ADAMTS3: variants seen among roughly 807,000 people sequenced by gnomAD.
ADAMTS3 encodes A disintegrin and metalloproteinase with thrombospondin motifs 3.
Under a neutral mutation model 129.0 loss-of-function variants are expected in ADAMTS3, and 73 were observed. The observed-to-expected ratio is 0.57, with a 90% CI of 0.47 to 0.69. The LOEUF (loss-of-function observed/expected upper bound fraction) is 0.69, where lower values mean the gene tolerates loss of function less well. Ranked by LOEUF, ADAMTS3 falls within the 30% of genes least tolerant of loss-of-function variation. The probability of loss-of-function intolerance (pLI) is 0.00; values close to 1 mark genes in which losing one functional copy is unlikely to be tolerated. For synonymous variants in ADAMTS3, 477 were observed against 510.8 expected (o/e 0.93, Z 0.89); for missense variants, 1,457 against 1,514.5 (o/e 0.96, Z 0.63).
intron 3 of ADAMTS3, among the ~76,000 whole-genome samples, chr4:72,517,040 C>T (rs552495160): frequency 6.6e-6 from 1 of 152,140 alleles, no homozygotes; most frequent in South Asian, 2.1e-4. Flanking sequence ...GAGTTTTTAG[C>T]ATGAAGGGCT....
At chr4:72,383,600 G>A (rs1721357342) in intron 4 of ADAMTS3, among the ~76,000 whole-genome samples, 1 of 152,156 alleles carries the variant, frequency 6.6e-6, no homozygotes, top group Non-Finnish European at 1.5e-5. Flanking sequence ...GTTCGAGGCG[G>A]ACTCTAAGCA....
intron 3 of ADAMTS3, among the ~76,000 whole-genome samples, chr4:72,470,361 T>TTATGTATATATATA (rs1719035640): frequency 8.6e-6 from 1 of 116,482 alleles, no homozygotes; most frequent in Non-Finnish European, 1.8e-5. Flanking sequence ...TATTTTAAGT[T>TTATGTATATATATA]TATATATATA....
intron 3 of ADAMTS3, among the ~76,000 whole-genome samples, chr4:72,442,685 T>A (rs1349386685): frequency 6.6e-6 from 1 of 151,784 alleles, no homozygotes; most frequent in East Asian, 2.0e-4. Context: ...ATTATCCAGA[T>A]AAGGAACACC....
chr4:72,413,783 G>T (rs960738795), intron 4 of ADAMTS3, among the ~76,000 whole-genome samples: 15 of 151,880 alleles, frequency 9.9e-5, no homozygotes, highest in Non-Finnish European at 1.6e-4. Context: ...TAACTGCAAA[G>T]CCTCTACAGT....
Position 72,298,420 on chromosome 4 carries a change from G to T in ADAMTS3, c.2447C>A (p.Thr816Asn). ...GTACTTATATGTCAGGCTAGAGCGG[G>T]TATCATTTTCTTGAGGTATAATCTA... ...IVLIIPQEND[T>N]RSSLTYKYII... The change falls in exon 18 of 22, where the codon ACC becomes AAC. Residue 816 changes from threonine (T) to asparagine (N), a missense_variant. By Grantham distance (65) the Thr-to-Asn change is moderately conservative (BLOSUM62 0). Transcript: ENST00000286657. 1.2e-6 allele frequency: 2 copies of T among 1,604,632 alleles called. No individual in the cohort carries two copies. Among genetic ancestry groups the T allele is most frequent in the South Asian group, 1.1e-5 (1 of 89,466 alleles).
chr4:72,489,790 T>C (rs1719692407), intron 3 of ADAMTS3, among the ~76,000 whole-genome samples: 1 of 151,916 alleles, frequency 6.6e-6, no homozygotes, highest in South Asian at 2.1e-4. Flanking sequence ...AAATATAGTA[T>C]ATATAGGGTT....
chr4:72,291,027 G>A lies in ADAMTS3; in HGVS notation c.2759C>T (p.Thr920Ile), dbSNP rs1384500526. Residue 920 changes from threonine to isoleucine, a missense_variant, in exon 20 of 22, where the codon ACC (threonine) becomes ATC (isoleucine). By Grantham distance (89) the Thr-to-Ile change is moderately conservative (BLOSUM62 -1). Coordinates refer to ENST00000286657, the MANE Select transcript of ADAMTS3 (RefSeq NM_014243.3). The part of the protein sequence containing the change: ...VAEEWEHCTK[T>I]CGSSGYQLRT... ...AAGCTGATAGCCAGAACTTCCACAGGTTTTGGTGCAGTGTTCCCATTCTTC... is the reference window on the plus strand; with the variant it reads ...AAGCTGATAGCCAGAACTTCCACAGATTTTGGTGCAGTGTTCCCATTCTTC... The A allele has an allele frequency of 6.2e-7, 1 of 1,613,866 alleles. No homozygotes were observed. Among genetic ancestry groups the A allele is most frequent in the African/African-American group, 1.3e-5 (1 of 74,908 alleles).
chr4:72,475,274 T>C (rs1332575649), intron 3 of ADAMTS3, among the ~76,000 whole-genome samples: 3 of 151,944 alleles, frequency 2.0e-5, no homozygotes, highest in Non-Finnish European at 4.4e-5. Flanking sequence ...CAAGAAACTC[T>C]CTTCAACGAA....
At chr4:72,363,546 T>C (rs564006071) in intron 4 of ADAMTS3, among the ~76,000 whole-genome samples, 4 of 152,292 alleles carry the variant, frequency 2.6e-5, no homozygotes, top group African/African-American at 7.2e-5. Flanking sequence ...TTAAAATTTA[T>C]GTGTAAAAAT....
At chr4:72,466,383 A>G (rs950938011) in intron 3 of ADAMTS3, among the ~76,000 whole-genome samples, 6 of 152,066 alleles carry the variant, frequency 3.9e-5, no homozygotes, top group Non-Finnish European at 5.9e-5. Context: ...GATAGTTCTG[A>G]GCAGAAAATG....
At chr4:72,407,947 C>T (rs1231659315) in intron 4 of ADAMTS3, among the ~76,000 whole-genome samples, 1 of 152,002 alleles carries the variant, frequency 6.6e-6, no homozygotes, top group Non-Finnish European at 1.5e-5. Flanking sequence ...ACAAATGCTT[C>T]CAGTATATAG....
intron 12 of ADAMTS3, 37 bp from the exon 13 acceptor site, chr4:72,312,503 TTC>T: frequency 6.2e-7 from 1 of 1,604,406 alleles, no homozygotes; most frequent in Non-Finnish European, 8.5e-7. Flanking sequence ...GCCTTTTGGC[TTC>T]TGTCTAGCAG....
intron 3 of ADAMTS3, among the ~76,000 whole-genome samples, chr4:72,519,170 C>G (rs1395433594): frequency 1.3e-5 from 2 of 152,162 alleles, no homozygotes; most frequent in Non-Finnish European, 2.9e-5. Flanking sequence ...TTGGCCCCCA[C>G]TCTCTTCTGG....
At chr4:72,496,498 A>G (rs1719876293) in intron 3 of ADAMTS3, among the ~76,000 whole-genome samples, 3 of 152,084 alleles carry the variant, frequency 2.0e-5, no homozygotes, top group African/African-American at 4.8e-5. Flanking sequence ...CCTACTGGAT[A>G]TTAATCTTCA....
chr4:72,564,203 A>G (rs1158100631), intron 2 of ADAMTS3, among the ~76,000 whole-genome samples: 1 of 152,142 alleles, frequency 6.6e-6, no homozygotes, highest in Non-Finnish European at 1.5e-5. Context: ...AAAGGATCAC[A>G]ATGCTTTTTC....
At chr4:72,378,864 G>A (rs1721204320) in intron 4 of ADAMTS3, among the ~76,000 whole-genome samples, 2 of 152,148 alleles carry the variant, frequency 1.3e-5, no homozygotes, top group Admixed American at 6.6e-5. Flanking sequence ...CATGCTGAGA[G>A]GGGTTTTCTC....
intron 3 of ADAMTS3, among the ~76,000 whole-genome samples, chr4:72,476,862 C>A (rs758692047): frequency 6.6e-6 from 1 of 152,060 alleles, no homozygotes; most frequent in African/African-American, 2.4e-5. Flanking sequence ...GTTCAACTTT[C>A]AAGAATCAAT....
At chr4:72,291,096 A>T (rs755479630) in intron 19 of ADAMTS3, 34 bp from the exon 20 acceptor site, 2 of 1,609,608 alleles carry the variant, frequency 1.2e-6, no homozygotes, top group South Asian at 2.2e-5. Flanking sequence ...TGCAATTATC[A>T]CTGGTATGTA....
At position 72,313,663 on chromosome 4, in the gene ADAMTS3, A is replaced by G; in HGVS notation, c.1745+14T>C. On this transcript the variant is annotated intron_variant, in intron 12 of 21. Coordinates refer to ENST00000286657, the MANE Select transcript of ADAMTS3 (RefSeq NM_014243.3). ...TCTCTCCAAAAATAACAAGAGTTAC[A>G]AGGATATACTCACATGGGATTATTG... The G allele has an allele frequency of 6.2e-7, 1 of 1,611,930 alleles. No homozygotes were observed. Among genetic ancestry groups the G allele is most frequent in the African/African-American group, 1.3e-5 (1 of 74,994 alleles).
Sources: gnomAD v4.1 joint callset for allele counts (sites outside exome capture counted in the v4.1 genomes callset) on GRCh38, gnomAD v4.1.1 for gene constraint, MANE v1.5 for transcripts, NCBI Gene and HGNC (gene_info 2026-07-23, HGNC 2026-07-21) for gene names.